The following GPC6 variants were observed in gnomAD, a reference collection of about 807,000 sequenced individuals.
The protein encoded by GPC6 is glypican 6.
Under a neutral mutation model 55.2 loss-of-function variants are expected in GPC6, and 14 were observed. That is an observed-to-expected ratio of 0.25 (90% CI 0.17 to 0.40). The LOEUF (loss-of-function observed/expected upper bound fraction) is 0.40, where lower values mean the gene tolerates loss of function less well. Among genes scored for constraint, GPC6 ranks in the 10% least tolerant of loss-of-function variants. The pLI, the probability that GPC6 is intolerant of heterozygous loss-of-function variation, is 1.00. For synonymous variants in GPC6, 278 were observed against 259.6 expected (o/e 1.07, Z -0.68); for missense variants, 641 against 708.5 (o/e 0.90, Z 1.08).
At chr13:94,221,129 T>C (rs1289862139) in intron 4 of GPC6, among the ~76,000 whole-genome samples, 1 of 152,148 alleles carries the variant, frequency 6.6e-6, no homozygotes, top group Non-Finnish European at 1.5e-5. Context: ...GACTACCATT[T>C]CTATAGGCGT....
chr13:93,644,452 A>G (rs1594337359), intron 2 of GPC6, among the ~76,000 whole-genome samples: 1 of 152,054 alleles, frequency 6.6e-6, no homozygotes, highest in East Asian at 1.9e-4. Context: ...AACATCCAAC[A>G]ATAGGGTACT....
chr13:93,910,233 T>C (rs1352987373), intron 3 of GPC6, among the ~76,000 whole-genome samples: 3 of 152,126 alleles, frequency 2.0e-5, no homozygotes, highest in African/African-American at 7.2e-5. Flanking sequence ...GTTCTTATGA[T>C]AGTGAATAAG....
intron 1 of GPC6, among the ~76,000 whole-genome samples, chr13:93,511,559 G>A (rs1190326418): frequency 1.3e-5 from 2 of 151,790 alleles, no homozygotes; most frequent in East Asian, 3.9e-4. Flanking sequence ...CCAATACTGT[G>A]GTGTCTTGGC....
intron 1 of GPC6, among the ~76,000 whole-genome samples, chr13:93,231,343 ATACATATATATATATACG>A (rs1876009924): frequency 7.1e-5 from 3 of 42,218 alleles, no homozygotes; most frequent in African/African-American, 1.1e-4. Flanking sequence ...ATATATATAT[ATACATATATATATATACG>A]TATATATATA....
At chr13:93,577,582 C>CAATTCTGACAGTTTA (rs921963612) in intron 2 of GPC6, among the ~76,000 whole-genome samples, 9 of 151,964 alleles carry the variant, frequency 5.9e-5, no homozygotes, top group Non-Finnish European at 1.2e-4. Context: ...CTGAATTTAT[C>CAATTCTGACAGTTTA]AATTCTGACA....
intron 2 of GPC6, among the ~76,000 whole-genome samples, chr13:93,809,281 C>T (rs1172118862): frequency 6.6e-6 from 1 of 152,146 alleles, no homozygotes; most frequent in East Asian, 1.9e-4. Context: ...ATTTCCATTT[C>T]TAATACTGTG....
At chr13:94,233,106 ACCACAATGTACCCATC>A (rs2139015728) in intron 4 of GPC6, among the ~76,000 whole-genome samples, 2 of 149,866 alleles carry the variant, frequency 1.3e-5, no homozygotes, top group South Asian at 4.2e-4. Context: ...ACAAATATGC[ACCACAATGTACCCATC>A]ACTGTCTTCT....
At chr13:94,132,112 C>T (rs1229060089) in intron 4 of GPC6, among the ~76,000 whole-genome samples, 3 of 152,026 alleles carry the variant, frequency 2.0e-5, no homozygotes, top group Admixed American at 6.6e-5. Context: ...CCAGAGCGCA[C>T]GGAGGCCATG....
chr13:94,137,490 A>T (rs17791714), intron 4 of GPC6, among the ~76,000 whole-genome samples: 1 of 152,024 alleles, frequency 6.6e-6, no homozygotes, highest in Non-Finnish European at 1.5e-5. Context: ...CTGAGCCTTA[A>T]GGAGTGGGAT....
intron 2 of GPC6, among the ~76,000 whole-genome samples, chr13:93,708,091 C>G (rs1168074872): frequency 6.6e-6 from 1 of 151,740 alleles, no homozygotes; most frequent in Non-Finnish European, 1.5e-5. Flanking sequence ...AATGATATCA[C>G]TCATTTAGCG....
intron 7 of GPC6, among the ~76,000 whole-genome samples, chr13:94,387,431 T>C (rs1880456471): frequency 6.6e-6 from 1 of 152,222 alleles, no homozygotes; most frequent in Non-Finnish European, 1.5e-5. Flanking sequence ...CTGCTTCCTC[T>C]TTCTCCTGGG....
At chr13:94,271,375 C>T (rs1261693856) in intron 4 of GPC6, among the ~76,000 whole-genome samples, 29 of 111,348 alleles carry the variant, frequency 2.6e-4, no homozygotes, top group Non-Finnish European at 5.4e-4. Context: ...CACGCGCGCG[C>T]GCGCGCGCAC....
At chr13:94,071,316 G>A (rs1012104653) in intron 4 of GPC6, among the ~76,000 whole-genome samples, 1 of 152,156 alleles carries the variant, frequency 6.6e-6, no homozygotes, top group Non-Finnish European at 1.5e-5. Flanking sequence ...AGCATGTGGT[G>A]TATATTATAG....
chr13:93,965,106 G>GTTTTTTTTT (rs5805837), intron 3 of GPC6, among the ~76,000 whole-genome samples: 1 of 67,298 alleles, frequency 1.5e-5, no homozygotes, highest in African/African-American at 6.1e-5. Context: ...CTATGAGTTT[G>GTTTTTTTTT]TTTTTTTTTT....
intron 1 of GPC6, among the ~76,000 whole-genome samples, chr13:93,304,873 G>C (rs1410665554): frequency 6.6e-6 from 1 of 152,046 alleles, no homozygotes; most frequent in Non-Finnish European, 1.5e-5. Flanking sequence ...TGAAGAGGGA[G>C]TCTTTGTCTA....
intron 1 of GPC6, among the ~76,000 whole-genome samples, chr13:93,291,168 A>G (rs1464267213): frequency 6.6e-6 from 1 of 152,012 alleles, no homozygotes; most frequent in Non-Finnish European, 1.5e-5. Flanking sequence ...GGGATTATAA[A>G]CTCTTTTATA....
intron 1 of GPC6, among the ~76,000 whole-genome samples, chr13:93,536,544 A>G (rs926448261): frequency 6.6e-6 from 1 of 151,888 alleles, no homozygotes; most frequent in African/African-American, 2.4e-5. Context: ...ATGTTGTAGT[A>G]TGTGTTAGCA....
intron 2 of GPC6, among the ~76,000 whole-genome samples, chr13:93,755,018 AC>A (rs1459836578): frequency 1.1e-4 from 16 of 152,360 alleles, no homozygotes; most frequent in Admixed American, 9.2e-4. Context: ...GTAGACAGGT[AC>A]TTTTACAATT....
chr13:93,470,961 C>G (rs1879089778), intron 1 of GPC6, among the ~76,000 whole-genome samples: 1 of 151,954 alleles, frequency 6.6e-6, no homozygotes, highest in Non-Finnish European at 1.5e-5. Flanking sequence ...CATTTAATGT[C>G]TGTAGGGTCT....
Sources: allele counts gnomAD v4.1 joint callset (sites outside exome capture counted in the v4.1 genomes callset), GRCh38; gene constraint gnomAD v4.1.1; transcripts MANE v1.5; gene names NCBI Gene and HGNC (gene_info 2026-07-23, HGNC 2026-07-21).